Variants in UNC5C observed in about 807,000 individuals in gnomAD.
UNC5C encodes netrin receptor UNC5C.
UNC5C carries 47 observed loss-of-function variants against 99.8 expected under a neutral mutation model. The ratio of observed to expected loss-of-function variants is 0.47; its 90% CI spans 0.37 to 0.60. The LOEUF (loss-of-function observed/expected upper bound fraction) is 0.60, where lower values mean the gene tolerates loss of function less well. Among genes scored for constraint, UNC5C ranks in the 20% least tolerant of loss-of-function variants. The pLI is 0.00. For synonymous variants in UNC5C, 487 were observed against 452.2 expected (o/e 1.08, Z -0.98); for missense variants, 1,062 against 1,165.9 (o/e 0.91, Z 1.30).
At chr4:95,323,431 C>T (rs906663908) in intron 2 of UNC5C, among the ~76,000 whole-genome samples, 6 of 152,116 alleles carry the variant, frequency 3.9e-5, no homozygotes, top group Non-Finnish European at 7.3e-5. Context: ...TTCCATCTGA[C>T]GTAAGTAGGT....
At chr4:95,260,289 G>T (rs539692939) in intron 4 of UNC5C, among the ~76,000 whole-genome samples, 2 of 152,258 alleles carry the variant, frequency 1.3e-5, no homozygotes, top group South Asian at 2.1e-4. Flanking sequence ...CCTTCTGAAG[G>T]TTTTACGATG....
chr4:95,245,114 C>A lies in UNC5C; in HGVS notation c.806G>T (p.Trp269Leu). 1 of 1,613,102 alleles carries A rather than the reference C, an allele frequency of 6.2e-7. No individual in the cohort carries two copies. Among genetic ancestry groups the A allele is most frequent in the Non-Finnish European group, 8.5e-7 (1 of 1,179,738 alleles). ...TCCACAGCGGCTGTTACACACAGAC[C>A]ACTCCGTCCAGGTGGACCAGCCACC... ...VNGGWSTWTE[W>L]SVCNSRCGRG... is the part of the protein sequence containing the mutation. The change falls in exon 6 of 16, where the codon TGG (tryptophan) becomes TTG (leucine). Residue 269 changes from tryptophan to leucine, a missense_variant. Trp to Leu is a moderately conservative substitution (Grantham distance 61, BLOSUM62 -2). Transcript: ENST00000453304.
At chr4:95,263,664 G>A (rs1292884607) in intron 4 of UNC5C, among the ~76,000 whole-genome samples, 1 of 152,214 alleles carries the variant, frequency 6.6e-6, no homozygotes, top group Non-Finnish European at 1.5e-5. Flanking sequence ...GCCATTCACT[G>A]AGTCTATGCT....
At chr4:95,321,396 C>A (rs899159074) in intron 2 of UNC5C, among the ~76,000 whole-genome samples, 1 of 152,066 alleles carries the variant, frequency 6.6e-6, no homozygotes, top group Non-Finnish European at 1.5e-5. Context: ...AAAACAAAAA[C>A]GTTTATACGC....
At chr4:95,451,075 T>C (rs1747267333) in intron 1 of UNC5C, among the ~76,000 whole-genome samples, 1 of 152,224 alleles carries the variant, frequency 6.6e-6, no homozygotes, top group South Asian at 2.1e-4. Context: ...ATATGAAAAA[T>C]CTATGACTTA....
intron 1 of UNC5C, among the ~76,000 whole-genome samples, chr4:95,432,411 C>G (rs1053919765): frequency 1.3e-5 from 2 of 152,016 alleles, no homozygotes; most frequent in African/African-American, 4.8e-5. Flanking sequence ...GATGGCCTGT[C>G]AGAAAAAGAG....
chr4:95,250,759 C>T (rs1739682367), intron 4 of UNC5C, 92 bp from the exon 5 acceptor site: 1 of 1,305,278 alleles, frequency 7.7e-7, no homozygotes, highest in African/African-American at 1.5e-5. Context: ...TTGATCTTAG[C>T]CAAAAGGCCG....
At chr4:95,205,645 TTA>T (rs201019611) in intron 11 of UNC5C, among the ~76,000 whole-genome samples, 1,878 of 152,270 alleles carry the variant, frequency 0.012, 46 homozygotes, top group African/African-American at 0.043. Flanking sequence ...ACTTCCTATT[TTA>T]TATGTTTTAC....
chr4:95,504,293 C>A (rs1408062371), intron 1 of UNC5C, among the ~76,000 whole-genome samples: 1 of 152,104 alleles, frequency 6.6e-6, no homozygotes, highest in Non-Finnish European at 1.5e-5. Flanking sequence ...CCCCTCTGAA[C>A]AAGCTTACCC....
intron 1 of UNC5C, among the ~76,000 whole-genome samples, chr4:95,385,157 G>T (rs528085065): frequency 5.9e-5 from 9 of 152,128 alleles, no homozygotes; most frequent in African/African-American, 1.9e-4. Flanking sequence ...TTGTAGACTT[G>T]CAGTCAAAGA....
chr4:95,437,257 A>G (rs1012192802), intron 1 of UNC5C, among the ~76,000 whole-genome samples: 2 of 151,816 alleles, frequency 1.3e-5, no homozygotes, highest in Non-Finnish European at 2.9e-5. Flanking sequence ...TTAAAATATT[A>G]CAAAAAATTC....
At chr4:95,489,288 C>T (rs1402859190) in intron 1 of UNC5C, among the ~76,000 whole-genome samples, 1 of 151,570 alleles carries the variant, frequency 6.6e-6, no homozygotes, top group Non-Finnish European at 1.5e-5. Context: ...GAACCAAAGG[C>T]CCTAAGTTGG....
At chr4:95,344,168 A>G (rs1455646029) in intron 1 of UNC5C, among the ~76,000 whole-genome samples, 2 of 152,056 alleles carry the variant, frequency 1.3e-5, no homozygotes, top group African/African-American at 2.4e-5. Context: ...CCAAAGACTC[A>G]AGGATAAAAA....
intron 1 of UNC5C, among the ~76,000 whole-genome samples, chr4:95,361,174 C>A (rs1216213170): frequency 6.6e-6 from 1 of 152,162 alleles, no homozygotes; most frequent in Non-Finnish European, 1.5e-5. Context: ...AGAGCTATTT[C>A]AAGGTTTCAT....
At position 95,524,284 on chromosome 4, in the gene UNC5C, G is replaced by C. The variant is rs372588770; in HGVS notation, c.124+24450C>G. Among the ~76,000 whole-genome samples, 13 of 152,172 alleles carry C rather than the reference G, an allele frequency of 8.5e-5. No homozygotes were observed. The East Asian group carries it at 2.5e-3, about 29-fold the overall frequency. On this transcript the variant is annotated intron_variant, in intron 1 of 15. Coordinates refer to ENST00000453304, the MANE Select transcript of UNC5C (RefSeq NM_003728.4). The stretch of plus-strand genomic sequence containing the variant: ...TTTGGTACATTACTTCAAACTGGTA[G>C]AGCCTCAGTGCCTCATCTTCAACAC...
intron 2 of UNC5C, among the ~76,000 whole-genome samples, chr4:95,317,793 G>A (rs1374733247): frequency 6.6e-6 from 1 of 152,094 alleles, no homozygotes; most frequent in East Asian, 1.9e-4. Flanking sequence ...GACCAAATGA[G>A]GAAAAACAGC....
intron 14 of UNC5C, among the ~76,000 whole-genome samples, chr4:95,171,831 T>C (rs1257732652): frequency 2.0e-5 from 3 of 151,992 alleles, no homozygotes; most frequent in African/African-American, 7.3e-5. Context: ...TCCACAATGG[T>C]TGAACTAGTT....
At chr4:95,185,923 G>T (rs534613632) in intron 12 of UNC5C, among the ~76,000 whole-genome samples, 1 of 152,136 alleles carries the variant, frequency 6.6e-6, no homozygotes, top group South Asian at 2.1e-4. Context: ...TTTGTTTCTC[G>T]AGAATTGTGG....
intron 1 of UNC5C, among the ~76,000 whole-genome samples, chr4:95,453,384 T>A (rs1400582466): frequency 1.3e-5 from 2 of 151,980 alleles, no homozygotes; most frequent in African/African-American, 4.8e-5. Context: ...GTAAGGTCAA[T>A]TTTAATACAA....
Sources: allele counts gnomAD v4.1 joint callset (sites outside exome capture counted in the v4.1 genomes callset), GRCh38; gene constraint gnomAD v4.1.1; transcripts MANE v1.5; gene names NCBI Gene and HGNC (gene_info 2026-07-23, HGNC 2026-07-21).